Variants in PLEKHA7 observed in about 807,000 individuals in gnomAD.
PLEKHA7 encodes the protein pleckstrin homology domain-containing family A member 7.
In PLEKHA7, 104 loss-of-function variants were observed where a neutral mutation model predicts 170.0. The ratio of observed to expected loss-of-function variants is 0.61; its 90% CI spans 0.52 to 0.72. PLEKHA7 has a LOEUF of 0.72. Among genes scored for constraint, PLEKHA7 ranks in the 30% least tolerant of loss-of-function variants. The pLI is 0.00. For synonymous variants in PLEKHA7, 648 were observed against 660.8 expected, an observed-to-expected ratio of 0.98 and a Z score of 0.30; for missense variants, 1,615 against 1,671.7, an observed-to-expected ratio of 0.97 and a Z score of 0.59.
chr11:16,982,942 C>A (rs181356379), intron 3 of PLEKHA7, among the ~76,000 whole-genome samples: 1 of 152,096 alleles, frequency 6.6e-6, no homozygotes, highest in African/African-American at 2.4e-5. Context: ...GACTCAAAGG[C>A]CTTTCTTCCC....
chr11:16,998,562 C>T (rs922507289), intron 3 of PLEKHA7, among the ~76,000 whole-genome samples: 6 of 152,140 alleles, frequency 3.9e-5, no homozygotes, highest in African/African-American at 7.2e-5. Context: ...ATTAATATCC[C>T]CTCTGAATTT....
chr11:16,828,579 C>G (rs575871592), intron 9 of PLEKHA7, among the ~76,000 whole-genome samples: 1 of 152,264 alleles, frequency 6.6e-6, no homozygotes, highest in South Asian at 2.1e-4. Flanking sequence ...ATGGAAACCC[C>G]AAGCTTTGTG....
At position 16,826,295 on chromosome 11, in the gene PLEKHA7, G is replaced by A. The variant is rs531712172; in HGVS notation, c.1168C>T (p.Arg390Trp). ...GPRGQQAQPQ[R>W]AEKNGMLPAS... The stretch of plus-strand genomic sequence containing the variant: ...GGCAGCATTCCATTCTTCTCTGCCC[G>A]TTGGGGCTGTGCCTGCTGGCCTCTT... Residue 390 changes from arginine (R) to tryptophan (W), a missense_variant, in exon 10 of 27, where the codon CGG becomes TGG. By Grantham distance (101) the Arg-to-Trp change is moderately radical. Transcript: ENST00000531066. The A allele has an allele frequency of 2.6e-5, 42 of 1,614,230 alleles. No homozygotes were observed. In the East Asian group the frequency reaches 3.3e-4, roughly 13 times the overall value.
chr11:16,904,970 G>C (rs949631595), intron 3 of PLEKHA7, among the ~76,000 whole-genome samples: 16 of 152,130 alleles, frequency 1.1e-4, no homozygotes, highest in Non-Finnish European at 1.9e-4. Flanking sequence ...ATAAAAGACA[G>C]GGCTGGACAC....
intron 3 of PLEKHA7, among the ~76,000 whole-genome samples, chr11:16,888,078 C>T (rs1458545113): frequency 7.3e-5 from 11 of 151,298 alleles, no homozygotes; most frequent in South Asian, 2.1e-4. Context: ...CGTCTCTGCC[C>T]GGCCGCCCCA....
Position 16,801,812 on chromosome 11 carries a change from C to A in PLEKHA7, c.2163G>T (p.Gln721His). Reference sequence around the variant, plus strand: ...GCAACACCTCCAGCACAGATTCTAGCTGGTCCTGCACCACGAAGGGCCAAA... The same window carrying A: ...GCAACACCTCCAGCACAGATTCTAGATGGTCCTGCACCACGAAGGGCCAAA... ...KIRALKENKD[Q>H]LESVLEVLHR... Residue 721 changes from glutamine to histidine, a missense_variant, in exon 16 of 27, where the codon CAG becomes CAT. Gln to His is a conservative substitution (Grantham distance 24). Transcript: ENST00000531066. 6.2e-7 allele frequency: 1 copy of A among 1,614,078 alleles called. No homozygotes were observed. Among genetic ancestry groups the A allele is most frequent in the Non-Finnish European group, 8.5e-7 (1 of 1,180,010 alleles).
At chr11:16,930,007 AAAAAT>A (rs2136318329) in intron 3 of PLEKHA7, among the ~76,000 whole-genome samples, 1 of 151,634 alleles carries the variant, frequency 6.6e-6, no homozygotes, top group African/African-American at 2.4e-5. Flanking sequence ...CGTCTCAAAA[AAAAAT>A]AAAAATAAAA....
At chr11:16,905,451 G>T (rs1857597346) in intron 3 of PLEKHA7, among the ~76,000 whole-genome samples, 1 of 151,892 alleles carries the variant, frequency 6.6e-6, no homozygotes, top group South Asian at 2.1e-4. Context: ...TTTCCTCAAG[G>T]TCATGATAAC....
At chr11:16,905,522 C>T (rs1741538672) in intron 3 of PLEKHA7, among the ~76,000 whole-genome samples, 1 of 152,176 alleles carries the variant, frequency 6.6e-6, no homozygotes, top group South Asian at 2.1e-4. Flanking sequence ...CCTCTCCAAG[C>T]TGACTTCTTT....
chr11:16,886,095 A>G (rs1856079831), intron 3 of PLEKHA7, among the ~76,000 whole-genome samples: 1 of 152,196 alleles, frequency 6.6e-6, no homozygotes, highest in Admixed American at 6.5e-5. Flanking sequence ...TACCACCACC[A>G]ATTCTATCCC....
intron 3 of PLEKHA7, among the ~76,000 whole-genome samples, chr11:16,900,573 C>T (rs1857264987): frequency 6.6e-6 from 1 of 152,184 alleles, no homozygotes; most frequent in Non-Finnish European, 1.5e-5. Flanking sequence ...CACTGCCTTC[C>T]AGATCTTTTC....
chr11:16,817,098 AGCT>A lies in PLEKHA7; in HGVS notation c.1565_1567del (p.Gln522del). On this transcript the variant is annotated inframe_deletion, in exon 11 of 27. Transcript: ENST00000531066. The surrounding 1 kb of genome is among the most constrained non-coding windows in gnomAD (Gnocchi z 4.4). ...CTGCTGGCGCTGCTGCCACTCGTAG[AGCT>A]GCCACACGGTGCCATCCCGGTGCGC... 6.2e-7 allele frequency: 1 copy of A among 1,613,960 alleles called. No homozygotes were observed. Among genetic ancestry groups the A allele is most frequent in the Non-Finnish European group, 8.5e-7 (1 of 1,179,938 alleles).
chr11:16,831,675 C>T (rs557998077), intron 9 of PLEKHA7, among the ~76,000 whole-genome samples: 5 of 152,356 alleles, frequency 3.3e-5, no homozygotes, highest in Non-Finnish European at 7.3e-5. Flanking sequence ...GACCTAGATT[C>T]AAGAACTGGT....
chr11:16,934,027 C>G (rs1432703227), intron 3 of PLEKHA7, among the ~76,000 whole-genome samples: 1 of 152,188 alleles, frequency 6.6e-6, no homozygotes, highest in East Asian at 1.9e-4. Context: ...GCAAACCAGG[C>G]CTCCAGAAAG....
chr11:16,915,165 G>T, intron 3 of PLEKHA7, among the ~76,000 whole-genome samples: 1 of 152,174 alleles, frequency 6.6e-6, no homozygotes, highest in East Asian at 1.9e-4. Flanking sequence ...CCTCTCCAGA[G>T]GTGTCTGAGA....
chr11:16,890,534 T>C (rs944811639), intron 3 of PLEKHA7, among the ~76,000 whole-genome samples: 18 of 152,164 alleles, frequency 1.2e-4, no homozygotes, highest in Non-Finnish European at 2.4e-4. Flanking sequence ...TAACAGTAAA[T>C]AAAGCAAACA....
Position 16,952,798 on chromosome 11 carries a change from C to T in PLEKHA7, c.221+61191G>A, listed in dbSNP as rs1861486822. Among the ~76,000 whole-genome samples the T allele has an allele frequency of 2.0e-5, 3 of 152,192 alleles. No individual in the cohort carries two copies. The South Asian group carries it at 6.2e-4, about 32-fold the overall frequency. On this transcript the variant is annotated intron_variant, in intron 3 of 26. Coordinates refer to ENST00000531066, the MANE Select transcript of PLEKHA7 (RefSeq NM_001329630.2). ...TCAGTGTTCACAAAGTTCCAGGTTA[C>T]AGATTTATCAACATTAGGAATGTTC...
chr11:16,964,010 C>T (rs1565160573), intron 3 of PLEKHA7, among the ~76,000 whole-genome samples: 1 of 152,170 alleles, frequency 6.6e-6, no homozygotes, highest in Admixed American at 6.5e-5. Flanking sequence ...CTCTAATCTA[C>T]TTTCTGTTTC....
intron 3 of PLEKHA7, among the ~76,000 whole-genome samples, chr11:16,901,803 G>A (rs1339938515): frequency 6.6e-6 from 1 of 152,208 alleles, no homozygotes; most frequent in African/African-American, 2.4e-5. Context: ...CCAGGAGGTG[G>A]AGGTTGCAGT....
Sources: allele counts gnomAD v4.1 joint callset (sites outside exome capture counted in the v4.1 genomes callset), GRCh38; gene constraint gnomAD v4.1.1; non-coding constraint Gnocchi (gnomAD v3.1); transcripts MANE v1.5; gene names NCBI Gene and HGNC (gene_info 2026-07-23, HGNC 2026-07-21).